The following DSCAM variants were observed in gnomAD, a reference collection of about 807,000 sequenced individuals.
DSCAM encodes the protein cell adhesion molecule DSCAM.
DSCAM carries 47 observed loss-of-function variants against 217.7 expected under a neutral mutation model. The ratio of observed to expected loss-of-function variants is 0.22; its 90% confidence interval spans 0.17 to 0.28. The LOEUF (loss-of-function observed/expected upper bound fraction) is 0.28, where lower values mean the gene tolerates loss of function less well. DSCAM is among the 10% of genes least tolerant of loss of function. The probability of loss-of-function intolerance (pLI) is 1.00; values close to 1 mark genes in which losing one functional copy is unlikely to be tolerated. For missense variants in DSCAM, 2,080 were observed against 2,618.3 expected (o/e 0.79, Z 4.49); for synonymous variants, 1,056 against 1,015.3 (o/e 1.04, Z -0.76).
At chr21:40,059,567 G>T (rs893597052) in intron 28 of DSCAM, among the ~76,000 whole-genome samples, 1 of 152,104 alleles carries the variant, frequency 6.6e-6, no homozygotes, top group African/African-American at 2.4e-5. Context: ...TTCCTGGCCT[G>T]GCCCTCAGCT....
intron 32 of DSCAM, among the ~76,000 whole-genome samples, chr21:40,018,765 A>G (rs1264056456): frequency 6.6e-6 from 1 of 152,230 alleles, no homozygotes; most frequent in African/African-American, 2.4e-5. Flanking sequence ...AAATGGACAG[A>G]TGAGAAATAA....
At chr21:40,075,445 T>C (rs1382667238) in intron 26 of DSCAM, among the ~76,000 whole-genome samples, 1 of 152,232 alleles carries the variant, frequency 6.6e-6, no homozygotes. Flanking sequence ...GGACTTCATT[T>C]TGCAATGCAC....
rs1298240322 is a variant in DSCAM, at chr21:40,686,415, ACACAC to A, written c.508+6390_508+6394del. 7.9e-5 allele frequency among the ~76,000 whole-genome samples: 12 copies of A among 152,086 alleles called. 1 individual carries two copies. Among genetic ancestry groups the A allele is most frequent in the Admixed American group, 7.9e-4 (12 of 15,272 alleles). On this transcript the variant is annotated intron_variant, in intron 3 of 32. Coordinates refer to ENST00000400454, the MANE Select transcript of DSCAM (RefSeq NM_001389.5). Reference sequence around the variant, plus strand: ...CATCATGCACCACACACACGTATGCACACACCACACCAAACACCACACACATATGT... The same window carrying A: ...CATCATGCACCACACACACGTATGCACACACCAAACACCACACACATATGT...
intron 3 of DSCAM, among the ~76,000 whole-genome samples, chr21:40,543,600 G>C (rs1020187071): frequency 6.6e-6 from 1 of 151,970 alleles, no homozygotes; most frequent in African/African-American, 2.4e-5. Context: ...GGAAAGGAAT[G>C]GGGGGGCAGG....
chr21:40,570,641 C>T (rs1051706897), intron 3 of DSCAM, among the ~76,000 whole-genome samples: 1 of 152,164 alleles, frequency 6.6e-6, no homozygotes, highest in Non-Finnish European at 1.5e-5. Context: ...GAGGAAAATA[C>T]TGACACGTGT....
At chr21:40,125,220 C>A (rs968404849) in intron 19 of DSCAM, among the ~76,000 whole-genome samples, 1 of 152,182 alleles carries the variant, frequency 6.6e-6, no homozygotes, top group African/African-American at 2.4e-5. Context: ...ATGGTGGCAG[C>A]AATACTAAGC....
At chr21:40,232,013 T>C (rs1216553673) in intron 11 of DSCAM, among the ~76,000 whole-genome samples, 1 of 152,240 alleles carries the variant, frequency 6.6e-6, no homozygotes, top group Non-Finnish European at 1.5e-5. Context: ...CTAGGAATCA[T>C]CTAAATGTTC....
At chr21:40,455,080 T>A (rs2075752438) in intron 3 of DSCAM, among the ~76,000 whole-genome samples, 1 of 152,184 alleles carries the variant, frequency 6.6e-6, no homozygotes, top group Admixed American at 6.5e-5. Context: ...ATAAACCTTT[T>A]GCAAGTACCT....
Position 40,083,903 on chromosome 21 carries a change from A to G in DSCAM, c.4231+5T>C, listed in dbSNP as rs1176050745. 6.2e-7 allele frequency: 1 copy of G among 1,608,452 alleles called. No individual in the cohort carries two copies. The highest frequency in any genetic ancestry group is 2.2e-5 in the East Asian group (1 of 44,776). On this transcript the variant is annotated splice_donor_5th_base_variant and intron_variant, in intron 24 of 32. Coordinates refer to ENST00000400454, the MANE Select transcript of DSCAM (RefSeq NM_001389.5). ...AACTATTGTGGACAATCTATATCTTATTACCTCTGATAGAGCTGCCCCCGT... is the reference window on the plus strand; with the variant it reads ...AACTATTGTGGACAATCTATATCTTGTTACCTCTGATAGAGCTGCCCCCGT...
intron 3 of DSCAM, among the ~76,000 whole-genome samples, chr21:40,648,273 ACACACACACT>A (rs997000140): frequency 7.4e-5 from 11 of 148,778 alleles, no homozygotes; most frequent in East Asian, 4.1e-4. Flanking sequence ...ACACACACAC[ACACACACACT>A]CACACACTGC....
At chr21:40,431,671 T>C (rs548991218) in intron 3 of DSCAM, among the ~76,000 whole-genome samples, 6 of 152,320 alleles carry the variant, frequency 3.9e-5, no homozygotes, top group Non-Finnish European at 5.9e-5. Context: ...CTAAAATATA[T>C]AATGCAAAAA....
At chr21:40,279,624 G>A (rs1038516684) in intron 10 of DSCAM, among the ~76,000 whole-genome samples, 8 of 152,056 alleles carry the variant, frequency 5.3e-5, no homozygotes, top group African/African-American at 1.9e-4. Flanking sequence ...CCCATTACTG[G>A]GTATATACCC....
chr21:40,340,624 T>G (rs926648804), intron 6 of DSCAM, among the ~76,000 whole-genome samples: 2 of 152,312 alleles, frequency 1.3e-5, no homozygotes. Context: ...GGACATCTTT[T>G]GTTTTTTAAA....
At chr21:40,748,509 C>T (rs998541811) in intron 1 of DSCAM, among the ~76,000 whole-genome samples, 3 of 151,850 alleles carry the variant, frequency 2.0e-5, no homozygotes, top group Non-Finnish European at 4.4e-5. Flanking sequence ...AATAAAATGC[C>T]TATAAATAAA....
intron 8 of DSCAM, among the ~76,000 whole-genome samples, chr21:40,332,987 G>C (rs768972206): frequency 6.6e-6 from 1 of 152,092 alleles, no homozygotes; most frequent in African/African-American, 2.4e-5. Flanking sequence ...CAATAATTTG[G>C]TTTCCCTGTT....
rs116730788 is a variant in DSCAM at position 40,832,208 on chromosome 21, C to T, written c.43+14411G>A. On this transcript the variant is annotated intron_variant, in intron 1 of 32. Transcript: ENST00000400454. ...ACATTGTCTAACCATGCCTTCTTTACGATGGTCATAATAACAATATTCACA... is the reference window on the plus strand; with the variant it reads ...ACATTGTCTAACCATGCCTTCTTTATGATGGTCATAATAACAATATTCACA... 8.2e-3 allele frequency among the ~76,000 whole-genome samples: 1,245 copies of T among 152,236 alleles called. 17 individuals are homozygous for T. Among genetic ancestry groups the T allele is most frequent in the African/African-American group, 0.027 (1,128 of 41,538 alleles).
intron 3 of DSCAM, among the ~76,000 whole-genome samples, chr21:40,621,828 A>G (rs1204541362): frequency 1.3e-5 from 2 of 148,494 alleles, no homozygotes; most frequent in Non-Finnish European, 3.0e-5. Context: ...GTACAAAGGG[A>G]TGGATCAAGA....
At chr21:40,247,034 C>A (rs1037644041) in intron 11 of DSCAM, among the ~76,000 whole-genome samples, 1 of 152,070 alleles carries the variant, frequency 6.6e-6, no homozygotes, top group African/African-American at 2.4e-5. Context: ...GAAGAGGAAG[C>A]AAAAGCGCAA....
At position 40,426,651 on chromosome 21, in the gene DSCAM, A is replaced by G. The variant is rs1359418720; in HGVS notation, c.509-57406T>C. ...GAGAGTACTATGACATGAGAGATGA[A>G]GAAAAGTACAAGATACTTTCCCAGA... On this transcript the variant is annotated intron_variant, in intron 3 of 32. Coordinates refer to ENST00000400454, the MANE Select transcript of DSCAM (RefSeq NM_001389.5). Among the ~76,000 whole-genome samples, 26 of 152,222 alleles carry G rather than the reference A, an allele frequency of 1.7e-4. 1 individual carries two copies. Among genetic ancestry groups the G allele is most frequent in the Admixed American group, 1.6e-3 (25 of 15,282 alleles).
Sources: gnomAD v4.1 joint callset for allele counts (sites outside exome capture counted in the v4.1 genomes callset) on GRCh38, gnomAD v4.1.1 for gene constraint, MANE v1.5 for transcripts, NCBI Gene and HGNC (gene_info 2026-07-23, HGNC 2026-07-21) for gene names.